DLGAP1: variants seen among roughly 807,000 people sequenced by gnomAD.
The protein encoded by DLGAP1 is DLG associated protein 1.
A neutral mutation model predicts 90.8 loss-of-function variants in DLGAP1; 11 were observed. The observed-to-expected ratio is 0.12, with a 90% CI of 0.08 to 0.20. The LOEUF (loss-of-function observed/expected upper bound fraction) is 0.20, where lower values mean the gene tolerates loss of function less well. DLGAP1 is among the 10% of genes least tolerant of loss of function. DLGAP1 has a pLI of 1.00. For synonymous variants in DLGAP1, 558 were observed against 540.7 expected, an observed-to-expected ratio of 1.03 and a Z score of -0.44; for missense variants, 1,050 against 1,333.8, an observed-to-expected ratio of 0.79 and a Z score of 3.31.
Position 4,263,837 on chromosome 18 carries a change from TTAAAC to T in DLGAP1, c.-266-112555_-266-112551del, listed in dbSNP as rs200481368. On this transcript the variant is annotated intron_variant, in intron 1 of 12. Coordinates refer to ENST00000315677, the MANE Select transcript of DLGAP1 (RefSeq NM_004746.4). The stretch of plus-strand genomic sequence containing the variant: ...GATAGATTTCAGTTACTTCAGAACA[TTAAAC>T]TACATGAATGAGAAGATATGATTTA... 9.6e-3 allele frequency among the ~76,000 whole-genome samples: 1,460 copies of T among 152,328 alleles called. 9 individuals are homozygous for T. Among genetic ancestry groups the T allele is most frequent in the Non-Finnish European group, 0.014 (971 of 68,026 alleles).
At chr18:3,880,230 C>A in intron 3 of DLGAP1, 90 bp from the exon 4 acceptor site, 1 of 675,332 alleles carries the variant, frequency 1.5e-6, no homozygotes, top group East Asian at 2.7e-5. Context: ...GTTGCCCAGG[C>A]TAGAGTGCAC....
chr18:4,024,920 T>A (rs2149119119), intron 2 of DLGAP1, among the ~76,000 whole-genome samples: 1 of 152,158 alleles, frequency 6.6e-6, no homozygotes, highest in East Asian at 1.9e-4. Context: ...ACCAAGTTCT[T>A]AGGCAGGCAG....
chr18:3,679,155 C>T (rs947365817), intron 7 of DLGAP1, among the ~76,000 whole-genome samples: 18 of 152,136 alleles, frequency 1.2e-4, no homozygotes, highest in African/African-American at 3.4e-4. Context: ...ACAAGGCCCC[C>T]GTGTCTTTGC....
chr18:3,819,993 C>A (rs761128931), intron 4 of DLGAP1, among the ~76,000 whole-genome samples: 1 of 152,200 alleles, frequency 6.6e-6, no homozygotes, highest in Non-Finnish European at 1.5e-5. Flanking sequence ...AAGTCTCTCC[C>A]CAAGGGCATC....
intron 6 of DLGAP1, among the ~76,000 whole-genome samples, chr18:3,735,406 G>A (rs1001953030): frequency 5.9e-5 from 9 of 152,180 alleles, no homozygotes; most frequent in African/African-American, 1.7e-4. Flanking sequence ...TGTATTTTTA[G>A]TAGAGAAGGG....
intron 2 of DLGAP1, among the ~76,000 whole-genome samples, chr18:4,071,552 C>T (rs1448166102): frequency 1.3e-5 from 2 of 152,126 alleles, no homozygotes; most frequent in East Asian, 3.8e-4. Context: ...TTGTCAGCGT[C>T]GTCTCAGGAA....
intron 7 of DLGAP1, among the ~76,000 whole-genome samples, chr18:3,682,695 T>C (rs2060563065): frequency 6.6e-6 from 1 of 152,188 alleles, no homozygotes; most frequent in Admixed American, 6.5e-5. Flanking sequence ...TCAAAGTTCC[T>C]GTCGGCTGTA....
chr18:4,344,286 T>C (rs1379511724), intron 1 of DLGAP1, among the ~76,000 whole-genome samples: 8 of 152,212 alleles, frequency 5.3e-5, no homozygotes, highest in Non-Finnish European at 1.5e-5. Context: ...ATTGTTCCCA[T>C]TTTAAAGATG....
At chr18:3,635,287 C>T (rs1785375) in intron 7 of DLGAP1, among the ~76,000 whole-genome samples, 1,753 of 152,096 alleles carry the variant, frequency 0.012, 27 homozygotes, top group African/African-American at 0.037. Flanking sequence ...CCCGCCACCA[C>T]GCCCGGCTGA....
chr18:3,801,852 C>T (rs1310569094), intron 5 of DLGAP1, among the ~76,000 whole-genome samples: 1 of 152,106 alleles, frequency 6.6e-6, no homozygotes, highest in African/African-American at 2.4e-5. Flanking sequence ...TAGAAGATAT[C>T]CTTCCATACA....
At position 3,910,315 on chromosome 18, in the gene DLGAP1, T is replaced by C. The variant is rs548956820; in HGVS notation, c.-72-30175A>G. Among the ~76,000 whole-genome samples, 10 of 152,014 alleles carry C rather than the reference T, an allele frequency of 6.6e-5. 1 individual carries two copies. The highest frequency in any genetic ancestry group is 6.3e-4 in the South Asian group (3 of 4,796). On this transcript the variant is annotated intron_variant, in intron 3 of 12. Coordinates refer to ENST00000315677, the MANE Select transcript of DLGAP1 (RefSeq NM_004746.4). ...CATTTTCCAAGTAGTGAGAAGGTAA[T>C]ACATTTGATGGCAATTTCTGTATTA... is the stretch of plus-strand genomic sequence containing the variant.
chr18:4,171,786 T>C (rs976326913), intron 1 of DLGAP1, among the ~76,000 whole-genome samples: 11 of 152,128 alleles, frequency 7.2e-5, no homozygotes, highest in African/African-American at 2.7e-4. Flanking sequence ...TTACAAAATA[T>C]GGTTATTATG....
intron 1 of DLGAP1, among the ~76,000 whole-genome samples, chr18:4,392,512 G>T (rs1027201061): frequency 1.3e-5 from 2 of 152,124 alleles, no homozygotes; most frequent in Non-Finnish European, 2.9e-5. Flanking sequence ...TTGATCTTGT[G>T]TCATAACACA....
chr18:3,719,963 T>C (rs1318739090), intron 7 of DLGAP1, among the ~76,000 whole-genome samples: 1 of 152,190 alleles, frequency 6.6e-6, no homozygotes, highest in Non-Finnish European at 1.5e-5. Flanking sequence ...ACATTTAAGG[T>C]TGGATTTGAA....
At chr18:3,710,372 C>A (rs1034622944) in intron 7 of DLGAP1, among the ~76,000 whole-genome samples, 1 of 152,192 alleles carries the variant, frequency 6.6e-6, no homozygotes, top group Non-Finnish European at 1.5e-5. Context: ...CTCCTCCACA[C>A]CCAGCTTCAG....
intron 7 of DLGAP1, among the ~76,000 whole-genome samples, chr18:3,640,381 C>T (rs1043032407): frequency 6.6e-6 from 1 of 152,196 alleles, no homozygotes; most frequent in Non-Finnish European, 1.5e-5. Flanking sequence ...TAATAGTATA[C>T]CATCTTCGAA....
At chr18:4,256,413 A>C (rs991672957) in intron 1 of DLGAP1, among the ~76,000 whole-genome samples, 5 of 152,184 alleles carry the variant, frequency 3.3e-5, no homozygotes, top group Non-Finnish European at 7.3e-5. Flanking sequence ...TAAATAAATA[A>C]ATACATAAAA....
intron 4 of DLGAP1, among the ~76,000 whole-genome samples, chr18:3,877,207 T>C (rs2148819981): frequency 6.6e-6 from 1 of 152,338 alleles, no homozygotes; most frequent in Non-Finnish European, 1.5e-5. Context: ...ATAGTAGATT[T>C]TCAATTAATA....
intron 1 of DLGAP1, among the ~76,000 whole-genome samples, chr18:4,200,112 G>A (rs955823527): frequency 1.3e-5 from 2 of 152,030 alleles, no homozygotes; most frequent in Admixed American, 6.6e-5. Flanking sequence ...AGTATTTTCT[G>A]AGTAGTATTC....
Sources: gnomAD v4.1 joint callset for allele counts (sites outside exome capture counted in the v4.1 genomes callset) on GRCh38, gnomAD v4.1.1 for gene constraint, MANE v1.5 for transcripts, NCBI Gene and HGNC (gene_info 2026-07-23, HGNC 2026-07-21) for gene names.